Variants in KCNIP4 observed in about 807,000 individuals in gnomAD.
KCNIP4 encodes potassium voltage-gated channel interacting protein 4.
In KCNIP4, 12 loss-of-function variants were observed where a neutral mutation model predicts 34.0. The ratio of observed to expected loss-of-function variants is 0.35; its 90% CI spans 0.23 to 0.57. KCNIP4 has a LOEUF of 0.57. Among genes scored for constraint, KCNIP4 ranks in the 20% least tolerant of loss-of-function variants. The pLI is 0.83. For synonymous variants in KCNIP4, 124 were observed against 102.2 expected (o/e 1.21, Z -1.29); for missense variants, 238 against 311.7 (o/e 0.76, Z 1.78).
intron 1 of KCNIP4, among the ~76,000 whole-genome samples, chr4:21,515,521 C>T (rs2109933466): frequency 6.6e-6 from 1 of 152,176 alleles, no homozygotes; most frequent in East Asian, 1.9e-4. Flanking sequence ...CGCCTGTAGT[C>T]CCAGCTACTC....
rs572863807 is a variant in KCNIP4 at position 21,014,657 on chromosome 4, A to G, written c.62-131948T>C. Among the ~76,000 whole-genome samples the G allele has an allele frequency of 7.6e-4, 116 of 152,328 alleles. 3 individuals carry two copies. Among genetic ancestry groups the G allele is most frequent in the Middle Eastern group, 3.4e-3 (1 of 294 alleles). On this transcript the variant is annotated intron_variant, in intron 1 of 8. Transcript: ENST00000382152. ...TGCGTGGATATGGGAACATGAGTGC[A>G]TGGCTGGTTGAAATGTAAAGTGGTG...
In KCNIP4 at chr4:20,780,507, G is replaced by T. The variant is rs561237641; in HGVS notation, c.289-21617C>A. On this transcript the variant is annotated intron_variant, in intron 3 of 8. Coordinates refer to ENST00000382152, the MANE Select transcript of KCNIP4 (RefSeq NM_025221.6). ...TCCCAGTAATAACATGAGACGCCCT[G>T]ATTCTGGTTCTCTGTGACTCAGCTC... Among the ~76,000 whole-genome samples, 21 of 152,294 alleles carry T rather than the reference G, an allele frequency of 1.4e-4. No homozygotes were observed. The South Asian group carries it at 4.2e-3, about 30-fold the overall frequency.
intron 1 of KCNIP4, among the ~76,000 whole-genome samples, chr4:21,813,787 C>A (rs1166176027): frequency 6.6e-6 from 1 of 152,156 alleles, no homozygotes; most frequent in African/African-American, 2.4e-5. Context: ...GAAGTCTCCC[C>A]TTTAGACCCT....
At chr4:21,555,149 C>G (rs945465301) in intron 1 of KCNIP4, among the ~76,000 whole-genome samples, 1 of 152,090 alleles carries the variant, frequency 6.6e-6, no homozygotes, top group African/African-American at 2.4e-5. Flanking sequence ...GTGGTACGTC[C>G]TTTCCCCTGT....
At position 20,944,759 on chromosome 4, in the gene KCNIP4, T is replaced by C. The variant is rs180936695; in HGVS notation, c.62-62050A>G. 1.8e-3 allele frequency among the ~76,000 whole-genome samples: 272 copies of C among 152,276 alleles called. 3 individuals are homozygous for C. The highest frequency in any genetic ancestry group is 4.2e-3 in the African/African-American group (176 of 41,560). ...TCCCTCTGCCTTCATCCTAAATAAA[T>C]CTGTTTTGGAGGAGCCAGGAAGCTT... On this transcript the variant is annotated intron_variant, in intron 1 of 8. Coordinates refer to ENST00000382152, the MANE Select transcript of KCNIP4 (RefSeq NM_025221.6).
At chr4:21,491,082 T>G (rs1206464213) in intron 1 of KCNIP4, among the ~76,000 whole-genome samples, 1 of 152,118 alleles carries the variant, frequency 6.6e-6, no homozygotes, top group Non-Finnish European at 1.5e-5. Context: ...GAACGACAGT[T>G]TGCATACAGG....
chr4:21,732,194 A>G (rs1715657571), intron 1 of KCNIP4, among the ~76,000 whole-genome samples: 1 of 152,050 alleles, frequency 6.6e-6, no homozygotes, highest in Non-Finnish European at 1.5e-5. Flanking sequence ...ACTAGTAAAA[A>G]TAATTATTCT....
intron 1 of KCNIP4, among the ~76,000 whole-genome samples, chr4:21,702,623 TA>T (rs994987963): frequency 6.6e-6 from 1 of 151,864 alleles, no homozygotes; most frequent in African/African-American, 2.4e-5. Context: ...AATTTTCCAT[TA>T]AAAAAAACTT....
intron 1 of KCNIP4, among the ~76,000 whole-genome samples, chr4:20,926,844 A>G (rs1729947702): frequency 6.6e-6 from 1 of 152,208 alleles, no homozygotes; most frequent in African/African-American, 2.4e-5. Context: ...TCTCTTGCTC[A>G]AATATTTAGT....
In KCNIP4 at chr4:21,291,877, A is replaced by G. The variant is rs1354265375; in HGVS notation, c.62-409168T>C. On this transcript the variant is annotated intron_variant, in intron 1 of 8. Coordinates refer to ENST00000382152, the MANE Select transcript of KCNIP4 (RefSeq NM_025221.6). ...TCAAAAAAAAAAAAAAAAAGAAAGA[A>G]AGAAAGAAAGAAAGAAAGAAAGAAA... is the stretch of plus-strand genomic sequence containing the variant. Among the ~76,000 whole-genome samples, 2 of 25,258 alleles carry G rather than the reference A, an allele frequency of 7.9e-5. 1 individual carries two copies. Among genetic ancestry groups the G allele is most frequent in the African/African-American group, 5.2e-4 (2 of 3,846 alleles). The allele number at this position is 25,258 out of a possible 152,430, so 16.6% of individuals were successfully genotyped here.
At chr4:21,833,729 A>C (rs2109309123) in intron 1 of KCNIP4, among the ~76,000 whole-genome samples, 1 of 151,996 alleles carries the variant, frequency 6.6e-6, no homozygotes, top group African/African-American at 2.4e-5. Context: ...TTTTAGATCT[A>C]AAGTTTAAGT....
At chr4:21,573,865 G>T (rs1055331668) in intron 1 of KCNIP4, among the ~76,000 whole-genome samples, 3 of 152,050 alleles carry the variant, frequency 2.0e-5, no homozygotes, top group Non-Finnish European at 4.4e-5. Context: ...TGTTCCTGTT[G>T]GCTTATGTGC....
intron 1 of KCNIP4, among the ~76,000 whole-genome samples, chr4:21,442,271 C>T (rs981356291): frequency 3.3e-5 from 5 of 152,102 alleles, no homozygotes; most frequent in African/African-American, 1.2e-4. Context: ...TTTTTCCTTC[C>T]TAGCACTTGT....
chr4:21,519,800 C>G (rs1192108300), intron 1 of KCNIP4, among the ~76,000 whole-genome samples: 2 of 113,382 alleles, frequency 1.8e-5, no homozygotes, highest in African/African-American at 3.3e-5. Flanking sequence ...TGTGTATACA[C>G]GTGTGTGTAT....
At position 21,124,060 on chromosome 4, in the gene KCNIP4, A is replaced by G. The variant is rs984731342; in HGVS notation, c.62-241351T>C. Among the ~76,000 whole-genome samples the G allele has an allele frequency of 2.6e-4, 40 of 152,162 alleles. No individual in the cohort carries two copies. In the South Asian group the frequency reaches 3.5e-3, roughly 13 times the overall value. ...AAAAACAACAAAAAAAAAACAACAAAAAAAACCTATATTTTCTTTAAAAAT... is the reference window on the plus strand; with the variant it reads ...AAAAACAACAAAAAAAAAACAACAAGAAAAACCTATATTTTCTTTAAAAAT... On this transcript the variant is annotated intron_variant, in intron 1 of 8. Coordinates refer to ENST00000382152, the MANE Select transcript of KCNIP4 (RefSeq NM_025221.6).
At chr4:21,506,763 A>C (rs1733876185) in intron 1 of KCNIP4, among the ~76,000 whole-genome samples, 1 of 152,174 alleles carries the variant, frequency 6.6e-6, no homozygotes, top group Admixed American at 6.6e-5. Context: ...GAATAATATA[A>C]ACTTACAGGT....
At chr4:21,898,749 C>T (rs1578123897) in intron 1 of KCNIP4, among the ~76,000 whole-genome samples, 1 of 152,106 alleles carries the variant, frequency 6.6e-6, no homozygotes, top group East Asian at 1.9e-4. Context: ...GAGACTTCTT[C>T]TGTTTGAGGG....
At chr4:21,605,615 G>A (rs529422465) in intron 1 of KCNIP4, among the ~76,000 whole-genome samples, 508 of 152,100 alleles carry the variant, frequency 3.3e-3, no homozygotes, top group Non-Finnish European at 5.6e-3. Context: ...AGAGTAGCTG[G>A]TACTACAGGT....
chr4:21,119,326 G>C (rs1749945496), intron 1 of KCNIP4, among the ~76,000 whole-genome samples: 1 of 151,708 alleles, frequency 6.6e-6, no homozygotes, highest in South Asian at 2.1e-4. Flanking sequence ...ATGTAATACA[G>C]AAGTCAGTGC....
Sources: gnomAD v4.1 joint callset for allele counts (sites outside exome capture counted in the v4.1 genomes callset) on GRCh38, gnomAD v4.1.1 for gene constraint, MANE v1.5 for transcripts, NCBI Gene and HGNC (gene_info 2026-07-23, HGNC 2026-07-21) for gene names.